Variants in ROBO1 observed in about 807,000 individuals in gnomAD.
ROBO1 encodes roundabout guidance receptor 1, also known as roundabout homolog 1.
Under a neutral mutation model 195.9 loss-of-function variants are expected in ROBO1, and 149 were observed. The ratio of observed to expected loss-of-function variants is 0.76; its 90% CI spans 0.67 to 0.87. The LOEUF (loss-of-function observed/expected upper bound fraction) is 0.87. Among genes scored for constraint, ROBO1 ranks in the 40% least tolerant of loss-of-function variants. The pLI is 0.00. For synonymous variants in ROBO1, 816 were observed against 733.2 expected, an observed-to-expected ratio of 1.11 and a Z score of -1.82; for missense variants, 1,933 against 2,068.3, an observed-to-expected ratio of 0.93 and a Z score of 1.27.
rs1429514427 is a variant in ROBO1, at chr3:78,606,717, T to C, written c.4744+16A>G. On this transcript the variant is annotated intron_variant, in intron 29 of 30. Coordinates refer to ENST00000464233, the MANE Select transcript of ROBO1 (RefSeq NM_002941.4). ...CACTCAATCTGTATTTATTTGCTGC[T>C]TGATTGGATGAGTACCTTGGATGAG... 7 of 1,610,134 alleles carry C rather than the reference T, an allele frequency of 4.3e-6. No individual in the cohort carries two copies. Among genetic ancestry groups the C allele is most frequent in the Non-Finnish European group, 5.9e-6 (7 of 1,177,256 alleles).
chr3:78,680,421 A>G (rs1055020990), intron 10 of ROBO1, among the ~76,000 whole-genome samples: 2 of 152,260 alleles, frequency 1.3e-5, no homozygotes, highest in East Asian at 1.9e-4. Flanking sequence ...GAAAATTTTC[A>G]CAACCTACTC....
In ROBO1 at chr3:79,315,617, C is replaced by T. The variant is rs565685539; in HGVS notation, c.89-190078G>A. ...TATTTGCCTCAGTGACAGGGAGAAA[C>T]GAGTTTTGAGTTCTGAGATGAGAAA... On this transcript the variant is annotated intron_variant, in intron 2 of 30. Coordinates refer to ENST00000464233, the MANE Select transcript of ROBO1 (RefSeq NM_002941.4). Among the ~76,000 whole-genome samples, 38 of 152,186 alleles carry T rather than the reference C, an allele frequency of 2.5e-4. 1 individual carries two copies. The highest frequency in any genetic ancestry group is 4.0e-4 in the Non-Finnish European group (27 of 68,024).
intron 2 of ROBO1, among the ~76,000 whole-genome samples, chr3:79,366,971 T>G (rs1459726104): frequency 1.3e-5 from 2 of 152,192 alleles, no homozygotes; most frequent in African/African-American, 4.8e-5. Flanking sequence ...ACAGAAATGG[T>G]GAGGCACATT....
intron 2 of ROBO1, among the ~76,000 whole-genome samples, chr3:79,171,766 T>C (rs1484139346): frequency 6.6e-6 from 1 of 152,074 alleles, no homozygotes. Context: ...TGGTTATGGA[T>C]ACAAAAGTCA....
At chr3:78,906,003 A>T (rs561771871) in intron 4 of ROBO1, among the ~76,000 whole-genome samples, 4 of 152,196 alleles carry the variant, frequency 2.6e-5, no homozygotes, top group Non-Finnish European at 5.9e-5. Context: ...AGCATACAAA[A>T]CAACATAACT....
intron 1 of ROBO1, among the ~76,000 whole-genome samples, chr3:79,740,720 TCTGGCTGAAGAC>T (rs1218016430): frequency 2.0e-5 from 3 of 152,166 alleles, no homozygotes; most frequent in African/African-American, 2.4e-5. Context: ...TGGGGATTAT[TCTGGCTGAAGAC>T]ACAGAACCAA....
chr3:79,668,105 T>A (rs1451459245), intron 1 of ROBO1, among the ~76,000 whole-genome samples: 1 of 151,900 alleles, frequency 6.6e-6, no homozygotes, highest in African/African-American at 2.4e-5. Flanking sequence ...ACAAAGTCTG[T>A]TTTTAAAAAT....
rs73120661 is a variant in ROBO1, at chr3:78,969,305, T to C, written c.173-30378A>G. Among the ~76,000 whole-genome samples the C allele has an allele frequency of 6.3e-3, 956 of 152,320 alleles. 4 individuals are homozygous for C. Among genetic ancestry groups the C allele is most frequent in the Non-Finnish European group, 9.9e-3 (676 of 68,010 alleles). ...AGCTCAAATATTAAAATCAGGTCCC[T>C]ACATTCATAAAGGATGAAGGTGAAT... On this transcript the variant is annotated intron_variant, in intron 3 of 30. Transcript: ENST00000464233.
Position 79,335,082 on chromosome 3 carries a change from A to G in ROBO1, c.89-209543T>C, listed in dbSNP as rs117711502. On this transcript the variant is annotated intron_variant, in intron 2 of 30. Coordinates refer to ENST00000464233, the MANE Select transcript of ROBO1 (RefSeq NM_002941.4). ...CCATGAGCCAAGATCATGCCACTGA[A>G]CTCCAGTCTGGGTGACAGAGCAAGG... 3.3e-5 allele frequency among the ~76,000 whole-genome samples: 5 copies of G among 152,258 alleles called. No individual in the cohort carries two copies. In the East Asian group the frequency reaches 9.6e-4, roughly 29 times the overall value.
intron 3 of ROBO1, among the ~76,000 whole-genome samples, chr3:78,987,546 AT>A (rs2077138675): frequency 1.3e-5 from 2 of 152,154 alleles, no homozygotes; most frequent in Admixed American, 6.5e-5. Flanking sequence ...CTGTTAAAAC[AT>A]TTATAGTTTT....
chr3:79,113,444 A>T (rs2079929660), intron 3 of ROBO1, among the ~76,000 whole-genome samples: 1 of 152,062 alleles, frequency 6.6e-6, no homozygotes, highest in Non-Finnish European at 1.5e-5. Context: ...AAATATAAAA[A>T]TCAAATGAAA....
At chr3:78,953,137 G>A (rs1383475121) in intron 3 of ROBO1, among the ~76,000 whole-genome samples, 1 of 152,032 alleles carries the variant, frequency 6.6e-6, no homozygotes, top group Non-Finnish European at 1.5e-5. Flanking sequence ...AGACAACTAA[G>A]TAGGAGAGGG....
intron 2 of ROBO1, among the ~76,000 whole-genome samples, chr3:79,264,372 C>T (rs1370339787): frequency 6.6e-6 from 1 of 151,752 alleles, no homozygotes; most frequent in East Asian, 1.9e-4. Context: ...AGGACCTTTT[C>T]TTCTCACCTA....
chr3:79,499,542 C>T (rs906505036), intron 2 of ROBO1, among the ~76,000 whole-genome samples: 5 of 152,286 alleles, frequency 3.3e-5, no homozygotes, highest in Admixed American at 3.3e-4. Flanking sequence ...ACAATCACAA[C>T]CTTTCCCCTT....
At chr3:79,045,474 A>G (rs922036295) in intron 3 of ROBO1, among the ~76,000 whole-genome samples, 44 of 152,090 alleles carry the variant, frequency 2.9e-4, no homozygotes, top group African/African-American at 1.1e-3. Context: ...TTATAGAGAA[A>G]CATATGGAGA....
At chr3:79,473,511 G>T (rs563407448) in intron 2 of ROBO1, among the ~76,000 whole-genome samples, 2 of 151,996 alleles carry the variant, frequency 1.3e-5, no homozygotes, top group African/African-American at 4.8e-5. Flanking sequence ...TCGAAAACTC[G>T]GAGAAATAAT....
chr3:79,360,277 A>G (rs908674350), intron 2 of ROBO1, among the ~76,000 whole-genome samples: 12 of 152,164 alleles, frequency 7.9e-5, no homozygotes, highest in African/African-American at 2.9e-4. Context: ...GAAGTTATGA[A>G]CAAATCTCAA....
intron 3 of ROBO1, among the ~76,000 whole-genome samples, chr3:78,949,968 C>G (rs1246182980): frequency 8.5e-5 from 13 of 152,318 alleles, no homozygotes; most frequent in Non-Finnish European, 1.0e-4. Context: ...GAGATACCAT[C>G]TCACACCAGT....
At chr3:78,713,061 TGC>T (rs2081803964) in intron 8 of ROBO1, among the ~76,000 whole-genome samples, 1 of 152,218 alleles carries the variant, frequency 6.6e-6, no homozygotes. Flanking sequence ...CTTATATTTA[TGC>T]TTTCTGTAAA....
Sources: allele counts gnomAD v4.1 joint callset (sites outside exome capture counted in the v4.1 genomes callset), GRCh38; gene constraint gnomAD v4.1.1; transcripts MANE v1.5; gene names NCBI Gene and HGNC (gene_info 2026-07-23, HGNC 2026-07-21).